Variants in ZNF493 observed in about 807,000 individuals in gnomAD.
ZNF493 encodes the protein zinc finger protein 493.
ZNF493 carries 11 observed loss-of-function variants against 12.2 expected under a neutral mutation model. The observed-to-expected ratio is 0.90, with a 90% CI of 0.57 to 1.50. ZNF493 has a LOEUF of 1.50. ZNF493 is among the 40% of genes most tolerant of loss of function. The pLI is 0.00. For missense variants in ZNF493, 950 were observed against 906.6 expected, an observed-to-expected ratio of 1.05 and a Z score of -0.61; for synonymous variants, 286 against 302.6, an observed-to-expected ratio of 0.95 and a Z score of 0.57.
Position 21,424,481 on chromosome 19 carries a change from A to C in ZNF493, c.1822A>C (p.Lys608Gln), listed in dbSNP as rs749104775. The C allele has an allele frequency of 1.9e-6, 3 of 1,613,518 alleles. No individual in the cohort carries two copies. The highest frequency in any genetic ancestry group is 2.5e-6 in the Non-Finnish European group (3 of 1,179,746). Reference sequence around the variant, plus strand: ...ACCCTACAAATGTGAAGAATGTGGCAAAGCTTTTAACCGATCTTCAATCCT... The same window carrying C: ...ACCCTACAAATGTGAAGAATGTGGCCAAGCTTTTAACCGATCTTCAATCCT... ...KKPYKCEECG[K>Q]AFNRSSILSI... Residue 608 changes from lysine to glutamine, a missense_variant, in exon 4 of 4, where the codon AAA becomes CAA. Transcript: ENST00000392288.
At chr19:21,405,381 T>C (rs1242377002) in intron 2 of ZNF493, 126 bp downstream of exon 2, 2 of 1,499,338 alleles carry the variant, frequency 1.3e-6, no homozygotes, top group Non-Finnish European at 1.8e-6. Flanking sequence ...TTTAAAGAAA[T>C]CTTGAAGAAC....
chr19:21,415,424 A>G (rs559859828), intron 3 of ZNF493, among the ~76,000 whole-genome samples: 8 of 152,288 alleles, frequency 5.3e-5, no homozygotes, highest in Non-Finnish European at 7.4e-5. Flanking sequence ...AATGTTTTCA[A>G]TTGATCCCTA....
chr19:21,419,214 G>T (rs769183248), intron 3 of ZNF493, among the ~76,000 whole-genome samples: 18 of 152,118 alleles, frequency 1.2e-4, no homozygotes, highest in Non-Finnish European at 2.6e-4. Flanking sequence ...TGGATTCTGT[G>T]TTGACTCTGG....
chr19:21,423,683 A>G lies in ZNF493; in HGVS notation c.1024A>G (p.Ile342Val), dbSNP rs1225731792. Residue 342 changes from isoleucine (I) to valine (V), a missense_variant, in exon 4 of 4, where the codon ATT becomes GTT. Physicochemically the swap from Ile to Val is conservative, Grantham distance 29. Transcript: ENST00000392288. ...IFSTPTKHKI[I>V]HTEEKSHRCE... is the part of the protein sequence containing the mutation. The stretch of plus-strand genomic sequence containing the variant: ...CTCAACCCCTACTAAACATAAGATA[A>G]TTCACACTGAAGAGAAATCCCACAG... 2 of 1,613,696 alleles carry G rather than the reference A, an allele frequency of 1.2e-6. No homozygotes were observed. Among genetic ancestry groups the G allele is most frequent in the African/African-American group, 1.3e-5 (1 of 74,918 alleles).
At position 21,427,478 on chromosome 19, in the gene ZNF493, A is replaced by C. The variant is rs188714666; in HGVS notation, c.*2494A>C. On this transcript the variant is annotated 3_prime_UTR_variant, in exon 4 of 4. Transcript: ENST00000392288. ...ACTTTTATATAATAAAATGCAGTAC[A>C]TTTTAAAAAATTTTAAATTCTGTGT... 1 of 147,740 alleles carries C rather than the reference A, an allele frequency of 6.8e-6. No individual in the cohort carries two copies. Among genetic ancestry groups the C allele is most frequent in the East Asian group, 1.9e-4 (1 of 5,140 alleles). The allele number at this position is 147,740 out of a possible 1,614,324, so 9.2% of individuals were successfully genotyped here. A position where few individuals can be genotyped will look rare whatever the true frequency, so the allele number is the denominator to read the frequency against.
Position 21,424,310 on chromosome 19 carries a change from G to A in ZNF493, c.1651G>A (p.Gly551Ser). The change falls in exon 4 of 4, where the codon GGC (glycine) becomes AGC (serine). Residue 551 changes from glycine (G) to serine (S), a missense_variant. Transcript: ENST00000392288. ...GEKPYKCEEC[G>S]KAFNRSSHLT... is the part of the protein sequence containing the mutation. Reference sequence around the variant, plus strand: ...AAAACCCTACAAATGTGAAGAATGTGGCAAAGCTTTTAATCGGTCCTCACA... The same window carrying A: ...AAAACCCTACAAATGTGAAGAATGTAGCAAAGCTTTTAATCGGTCCTCACA... 1 of 1,613,564 alleles carries A rather than the reference G, an allele frequency of 6.2e-7. No homozygotes were observed. Among genetic ancestry groups the A allele is most frequent in the Non-Finnish European group, 8.5e-7 (1 of 1,179,750 alleles).
At chr19:21,422,482 A>G (rs1429825739) in intron 3 of ZNF493, among the ~76,000 whole-genome samples, 1 of 74,692 alleles carries the variant, frequency 1.3e-5, no homozygotes, top group African/African-American at 5.3e-5. Context: ...TTTTTTTTTG[A>G]GATGTATTCT....
rs151254955 is a variant in ZNF493, at chr19:21,407,577, C to T, written c.253+1721C>T. 6.8e-4 allele frequency: 665 copies of T among 972,398 alleles called. 7 individuals carry two copies. In the African/African-American group the frequency reaches 0.011, roughly 16 times the overall value. The allele number at this position is 972,398 out of a possible 1,614,324, so 60.2% of individuals were successfully genotyped here. A position where few individuals can be genotyped will look rare whatever the true frequency, so the allele number is the denominator to read the frequency against. ...GTGCTGGTATTACAGGCGTGAGCCACCATGCCCAGCCTAATAAAAATTTTT... is the reference window on the plus strand; with the variant it reads ...GTGCTGGTATTACAGGCGTGAGCCATCATGCCCAGCCTAATAAAAATTTTT... On this transcript the variant is annotated intron_variant, in intron 3 of 3. Coordinates refer to ENST00000392288, the MANE Select transcript of ZNF493 (RefSeq NM_001076678.3).
intron 3 of ZNF493, among the ~76,000 whole-genome samples, chr19:21,411,514 G>A (rs2030325622): frequency 6.6e-6 from 1 of 152,076 alleles, no homozygotes; most frequent in South Asian, 2.1e-4. Flanking sequence ...GAGCTCAGGA[G>A]TTTGCAACCA....
intron 3 of ZNF493, among the ~76,000 whole-genome samples, chr19:21,415,722 G>A (rs2145293867): frequency 6.6e-6 from 1 of 152,190 alleles, no homozygotes; most frequent in African/African-American, 2.4e-5. Flanking sequence ...CATGCCTTGT[G>A]GCAACATTTT....
intron 3 of ZNF493, among the ~76,000 whole-genome samples, chr19:21,417,421 C>G (rs1411397035): frequency 6.6e-6 from 1 of 152,144 alleles, no homozygotes; most frequent in Non-Finnish European, 1.5e-5. Context: ...TCTGATAGGT[C>G]ACACAGCAGC....
At position 21,425,011 on chromosome 19, in the gene ZNF493, C is replaced by T; in HGVS notation, c.*27C>T. 1 of 1,568,030 alleles carries T rather than the reference C, an allele frequency of 6.4e-7. No individual in the cohort carries two copies. Among genetic ancestry groups the T allele is most frequent in the Non-Finnish European group, 8.6e-7 (1 of 1,160,698 alleles). Reference sequence around the variant, plus strand: ...GAATGTGGCAAAGGCCTTTACTGCTCCTATTCCCTTACTAAAGAATGTGGC... The same window carrying T: ...GAATGTGGCAAAGGCCTTTACTGCTTCTATTCCCTTACTAAAGAATGTGGC... On this transcript the variant is annotated 3_prime_UTR_variant, in exon 4 of 4. Coordinates refer to ENST00000392288, the MANE Select transcript of ZNF493 (RefSeq NM_001076678.3).
intron 3 of ZNF493, among the ~76,000 whole-genome samples, chr19:21,420,591 T>TTTTATATATATATA (rs1491162530): frequency 2.8e-4 from 3 of 10,682 alleles, no homozygotes; most frequent in African/African-American, 1.4e-3. Flanking sequence ...ACTCACTTGA[T>TTTTATATATATATA]TATATATATA....
rs147107130 is a variant in ZNF493, at chr19:21,418,420, C to G, written c.254-4493C>G. Among the ~76,000 whole-genome samples the G allele has an allele frequency of 5.2e-3, 791 of 152,294 alleles. 22 individuals carry two copies. The highest frequency in any genetic ancestry group is 0.048 in the Admixed American group (736 of 15,298). ...CTTCCAAGCTCCCCTTCTTACTCATCATGGGGATTGCTTTAAGAGTACTTG... is the reference window on the plus strand; with the variant it reads ...CTTCCAAGCTCCCCTTCTTACTCATGATGGGGATTGCTTTAAGAGTACTTG... On this transcript the variant is annotated intron_variant, in intron 3 of 3. Coordinates refer to ENST00000392288, the MANE Select transcript of ZNF493 (RefSeq NM_001076678.3).
In ZNF493 at chr19:21,422,894, A is replaced by T. The variant is rs1599381023; in HGVS notation, c.254-19A>T. ...TGAGTCTAGTAAGTGGAGTAATTTGATATTTTTATTTCTTTCAGTTATATG... is the reference window on the plus strand; with the variant it reads ...TGAGTCTAGTAAGTGGAGTAATTTGTTATTTTTATTTCTTTCAGTTATATG... On this transcript the variant is annotated intron_variant, in intron 3 of 3. Coordinates refer to ENST00000392288, the MANE Select transcript of ZNF493 (RefSeq NM_001076678.3). The T allele has an allele frequency of 6.6e-7, 1 of 1,522,584 alleles. No homozygotes were observed. Among genetic ancestry groups the T allele is most frequent in the South Asian group, 1.4e-5 (1 of 73,150 alleles). 94.3% of individuals were successfully genotyped at this position (1,522,584 alleles called of 1,614,324 possible). A position where few individuals can be genotyped will look rare whatever the true frequency, so the allele number is the denominator to read the frequency against.
chr19:21,409,030 G>A (rs1158680180), intron 3 of ZNF493, among the ~76,000 whole-genome samples: 5 of 151,636 alleles, frequency 3.3e-5, no homozygotes, highest in Non-Finnish European at 5.9e-5. Context: ...GACTACAGGC[G>A]CCTGCAACCA....
intron 3 of ZNF493, chr19:21,408,229 G>A (rs745878301): frequency 3.6e-4 from 283 of 788,180 alleles, no homozygotes; most frequent in Non-Finnish European, 3.9e-4. Flanking sequence ...TAGTTCAAGC[G>A]ATTCTCCTAC....
At chr19:21,417,698 C>T (rs905368833) in intron 3 of ZNF493, among the ~76,000 whole-genome samples, 13 of 152,112 alleles carry the variant, frequency 8.5e-5, no homozygotes, top group Non-Finnish European at 1.5e-4. Flanking sequence ...CCAGCCCAGC[C>T]GCCAACCCCC....
rs756048615 is a variant in ZNF493, at chr19:21,424,505, C to G, written c.1846C>G (p.Leu616Val). The change falls in exon 4 of 4, where the codon CTT (leucine) becomes GTT (valine). Residue 616 changes from leucine (L) to valine (V), a missense_variant. Physicochemically the swap from Leu to Val is conservative, Grantham distance 32. Transcript: ENST00000392288. ...CAAAGCTTTTAACCGATCTTCAATC[C>G]TTAGTATACATAAGAAAATTCATAC... ...CGKAFNRSSI[L>V]SIHKKIHTGE... 1.2e-6 allele frequency: 2 copies of G among 1,613,358 alleles called. No individual in the cohort carries two copies. The highest frequency in any genetic ancestry group is 1.7e-6 in the Non-Finnish European group (2 of 1,179,712).
Sources: gnomAD v4.1 joint callset for allele counts (sites outside exome capture counted in the v4.1 genomes callset) on GRCh38, gnomAD v4.1.1 for gene constraint, MANE v1.5 for transcripts, NCBI Gene and HGNC (gene_info 2026-07-23, HGNC 2026-07-21) for gene names.